CUX2: variants seen among roughly 807,000 people sequenced by gnomAD.
CUX2 encodes cut like homeobox 2.
A neutral mutation model predicts 144.8 loss-of-function variants in CUX2; 40 were observed. The ratio of observed to expected loss-of-function variants is 0.28; its 90% confidence interval spans 0.21 to 0.36. The LOEUF (loss-of-function observed/expected upper bound fraction) is 0.36. Ranked by LOEUF, CUX2 falls within the 10% of genes least tolerant of loss-of-function variation. The probability of loss-of-function intolerance (pLI) is 1.00; values close to 1 mark genes in which losing one functional copy is unlikely to be tolerated. For missense variants in CUX2, 1,615 were observed against 1,994.0 expected, an observed-to-expected ratio of 0.81 and a Z score of 3.62; for synonymous variants, 827 against 875.6, an observed-to-expected ratio of 0.94 and a Z score of 0.98.
intron 1 of CUX2, among the ~76,000 whole-genome samples, chr12:111,103,613 C>A (rs1017522428): frequency 3.9e-5 from 6 of 152,216 alleles, no homozygotes; most frequent in African/African-American, 1.4e-4. Flanking sequence ...CTCAAATAGA[C>A]TTTTCAGGGA....
chr12:111,046,508 A>G (rs952011058), intron 1 of CUX2, among the ~76,000 whole-genome samples: 1 of 152,190 alleles, frequency 6.6e-6, no homozygotes, highest in Non-Finnish European at 1.5e-5. Context: ...CTTGAACCCA[A>G]GACCCAGGGC....
intron 1 of CUX2, among the ~76,000 whole-genome samples, chr12:111,213,227 C>T (rs1301087209): frequency 1.3e-5 from 2 of 152,164 alleles, no homozygotes; most frequent in South Asian, 2.1e-4. Flanking sequence ...AAGCCCATCT[C>T]GGGATGGTGC....
intron 3 of CUX2, among the ~76,000 whole-genome samples, chr12:111,248,764 T>A (rs1177756784): frequency 6.6e-6 from 1 of 152,126 alleles, no homozygotes; most frequent in African/African-American, 2.4e-5. Context: ...CAGCTCCAGG[T>A]GGCCGCTGTC....
chr12:111,163,236 G>C (rs951035920), intron 1 of CUX2, among the ~76,000 whole-genome samples: 1 of 152,096 alleles, frequency 6.6e-6, no homozygotes, highest in African/African-American at 2.4e-5. Context: ...TACTCACTTG[G>C]AGGCTGTTAG....
intron 1 of CUX2, among the ~76,000 whole-genome samples, chr12:111,075,219 G>A (rs564467916): frequency 2.0e-5 from 3 of 152,098 alleles, no homozygotes; most frequent in South Asian, 2.1e-4. Flanking sequence ...CCGTCAGACC[G>A]CAGCCAACTA....
chr12:111,314,651 AAAAAAAAAAAAAAAAAAC>A (rs2136384564), intron 16 of CUX2, among the ~76,000 whole-genome samples: 1 of 128,518 alleles, frequency 7.8e-6, no homozygotes, highest in East Asian at 3.4e-4. Flanking sequence ...AAAAAAAAAA[AAAAAAAAAAAAAAAAAAC>A]CCCATCTCCT....
rs1884247410 is a variant in CUX2, at chr12:111,263,737, C to T, written c.223-24C>T. On this transcript the variant is annotated intron_variant, in intron 3 of 21. Transcript: ENST00000261726. This position sits in a 1 kb window ranked among gnomAD's most constrained non-coding sequence, Gnocchi z 4.0. ...ACACAGATGCCATGGTTACACGTGACTCTTTCTCTTGTTGTCTCCAAAGGT... is the reference window on the plus strand; with the variant it reads ...ACACAGATGCCATGGTTACACGTGATTCTTTCTCTTGTTGTCTCCAAAGGT... 6.3e-7 allele frequency: 1 copy of T among 1,594,486 alleles called. No individual in the cohort carries two copies. The highest frequency in any genetic ancestry group is 8.6e-7 in the Non-Finnish European group (1 of 1,162,612).
At chr12:111,163,734 T>G (rs1446686281) in intron 1 of CUX2, among the ~76,000 whole-genome samples, 1 of 152,068 alleles carries the variant, frequency 6.6e-6, no homozygotes, top group Non-Finnish European at 1.5e-5. Flanking sequence ...ACTTGAAGAG[T>G]GCCAAATAAT....
At chr12:111,085,933 C>G (rs1872188825) in intron 1 of CUX2, among the ~76,000 whole-genome samples, 1 of 152,226 alleles carries the variant, frequency 6.6e-6, no homozygotes, top group African/African-American at 2.4e-5. Flanking sequence ...GACTTTTCTG[C>G]ACTTATTATT....
At chr12:111,149,323 ATTC>A (rs927335642) in intron 1 of CUX2, among the ~76,000 whole-genome samples, 86 of 152,154 alleles carry the variant, frequency 5.7e-4, no homozygotes, top group African/African-American at 1.8e-3. Context: ...GGCCAAGACA[ATTC>A]TTCTTCTTCC....
intron 19 of CUX2, among the ~76,000 whole-genome samples, chr12:111,335,021 G>A (rs1360123673): frequency 2.0e-5 from 3 of 152,208 alleles, no homozygotes; most frequent in African/African-American, 7.2e-5. Flanking sequence ...CGTGAGCCCA[G>A]GAGTTCAAGG....
intron 1 of CUX2, among the ~76,000 whole-genome samples, chr12:111,139,091 G>A (rs1021655449): frequency 1.3e-5 from 2 of 151,814 alleles, no homozygotes; most frequent in Admixed American, 1.3e-4. Context: ...TGATCGCCAT[G>A]TGACCTCCAG....
chr12:111,341,711 C>T (rs1888584810), intron 20 of CUX2, 69 bp from the exon 21 acceptor site: 2 of 1,498,740 alleles, frequency 1.3e-6, no homozygotes, highest in Non-Finnish European at 1.8e-6. Flanking sequence ...CACCATGGAA[C>T]TCCTGCTGGC....
chr12:111,244,201 ATGGGTGC>A (rs1883164723), intron 3 of CUX2, among the ~76,000 whole-genome samples: 2 of 152,152 alleles, frequency 1.3e-5, no homozygotes, highest in South Asian at 4.1e-4. Context: ...GGTTGTTAGC[ATGGGTGC>A]TGTAGGGTGA....
intron 3 of CUX2, among the ~76,000 whole-genome samples, chr12:111,252,307 A>G (rs1883599502): frequency 6.6e-6 from 1 of 152,230 alleles, no homozygotes; most frequent in African/African-American, 2.4e-5. Context: ...AGATGGGGAA[A>G]CTGAGGCTCT....
chr12:111,258,755 A>C (rs918832390), intron 3 of CUX2, among the ~76,000 whole-genome samples: 1 of 152,132 alleles, frequency 6.6e-6, no homozygotes, highest in Non-Finnish European at 1.5e-5. Flanking sequence ...GTGTGATCAC[A>C]GCTCACTGCA....
chr12:111,206,091 T>C (rs143569105), intron 1 of CUX2, among the ~76,000 whole-genome samples: 2 of 152,340 alleles, frequency 1.3e-5, no homozygotes, highest in East Asian at 3.9e-4. Flanking sequence ...ATCTAAGCAC[T>C]TTGGGAGGCC....
At chr12:111,326,639 C>G (rs528936674) in intron 18 of CUX2, among the ~76,000 whole-genome samples, 1 of 151,982 alleles carries the variant, frequency 6.6e-6, no homozygotes, top group East Asian at 1.9e-4. Flanking sequence ...CACCGTGGCT[C>G]ACACCTGTAA....
chr12:111,057,496 C>T lies in CUX2; in HGVS notation c.63+23256C>T, dbSNP rs1282664742. Among the ~76,000 whole-genome samples the T allele has an allele frequency of 6.6e-6, 1 of 152,154 alleles. No homozygotes were observed. The highest frequency in any genetic ancestry group is 1.9e-4 in the East Asian group (1 of 5,186). On this transcript the variant is annotated intron_variant, in intron 1 of 21. Coordinates refer to ENST00000261726, the MANE Select transcript of CUX2 (RefSeq NM_015267.4). This position sits in a 1 kb window ranked among gnomAD's most constrained non-coding sequence, Gnocchi z 5.1. ...CCACCTTTCCTTGCTTTCCAAGCTG[C>T]CCTCTTGAGGGCCTCAGGGTGACCA...
Sources: allele counts gnomAD v4.1 joint callset (sites outside exome capture counted in the v4.1 genomes callset), GRCh38; gene constraint gnomAD v4.1.1; non-coding constraint Gnocchi (gnomAD v3.1); transcripts MANE v1.5; gene names NCBI Gene and HGNC (gene_info 2026-07-23, HGNC 2026-07-21).